PAM: variants seen among roughly 807,000 people sequenced by gnomAD.
PAM encodes peptidyl-glycine alpha-amidating monooxygenase.
PAM carries 72 observed loss-of-function variants against 122.1 expected under a neutral mutation model. That is an observed-to-expected ratio of 0.59 (90% CI 0.49 to 0.72). PAM has a LOEUF of 0.72. Ranked by LOEUF, PAM falls within the 30% of genes least tolerant of loss-of-function variation. The probability of loss-of-function intolerance (pLI) is 0.00; values close to 1 mark genes in which losing one functional copy is unlikely to be tolerated. For synonymous variants in PAM, 389 were observed against 404.4 expected, an observed-to-expected ratio of 0.96 and a Z score of 0.46; for missense variants, 1,106 against 1,183.7, an observed-to-expected ratio of 0.93 and a Z score of 0.96.
intron 15 of PAM, among the ~76,000 whole-genome samples, chr5:102,977,051 T>G (rs569183142): frequency 2.6e-5 from 4 of 152,304 alleles, no homozygotes; most frequent in African/African-American, 9.6e-5. Context: ...TGCAGCAGTA[T>G]TTTAGATTTC....
At chr5:102,886,044 G>A (rs926050649) in intron 3 of PAM, among the ~76,000 whole-genome samples, 2 of 151,866 alleles carry the variant, frequency 1.3e-5, no homozygotes, top group East Asian at 1.9e-4. Flanking sequence ...CATTCCCCAC[G>A]ATTCAAAAAT....
chr5:103,011,648 T>C (rs190044470), intron 21 of PAM, among the ~76,000 whole-genome samples: 1 of 152,328 alleles, frequency 6.6e-6, no homozygotes, highest in East Asian at 1.9e-4. Context: ...CCACATTTTC[T>C]TTATCCATTT....
chr5:102,867,373 C>G lies in PAM; in HGVS notation c.190C>G (p.Pro64Ala), dbSNP rs1431366636. ...SSDFALDIRMPGVTPKQSDTY... is the reference protein window; with the variant it reads ...SSDFALDIRMAGVTPKQSDTY... Reference sequence around the variant, plus strand: ...AGATTTTGCATTGGATATTCGCATGCCTGGGGTTACACCTAAACAGGTGAG... The same window carrying G: ...AGATTTTGCATTGGATATTCGCATGGCTGGGGTTACACCTAAACAGGTGAG... The change falls in exon 3 of 26, where the codon CCT becomes GCT. Residue 64 changes from proline to alanine, a missense_variant. Around this residue, in one of 3 missense-constraint regions of PAM, gnomAD observed 670 missense variants for 690.3 expected, o/e 0.97. Coordinates refer to ENST00000438793, the MANE Select transcript of PAM (RefSeq NM_001177306.2). 5 of 1,608,744 alleles carry G rather than the reference C, an allele frequency of 3.1e-6. No homozygotes were observed. The Admixed American group carries it at 6.7e-5, about 21-fold the overall frequency.
intron 3 of PAM, among the ~76,000 whole-genome samples, chr5:102,891,912 G>A (rs771067466): frequency 6.6e-6 from 1 of 151,748 alleles, no homozygotes; most frequent in Admixed American, 6.6e-5. Context: ...CCTATTGTTT[G>A]CCTACTTTTC....
At position 102,939,239 on chromosome 5, in the gene PAM, T is replaced by A. The variant is rs549418299; in HGVS notation, c.527-7598T>A. 5.6e-4 allele frequency among the ~76,000 whole-genome samples: 85 copies of A among 152,258 alleles called. 1 individual carries two copies. Among genetic ancestry groups the A allele is most frequent in the Admixed American group, 2.6e-3 (39 of 15,272 alleles). On this transcript the variant is annotated intron_variant, in intron 7 of 25. Coordinates refer to ENST00000438793, the MANE Select transcript of PAM (RefSeq NM_001177306.2). ...TAGAAACATTATTCTTTTCATCCAG[T>A]TTGGAAACCCTTCACCTTATCTCCA...
chr5:102,868,115 C>T (rs1786168572), intron 3 of PAM, among the ~76,000 whole-genome samples: 1 of 152,172 alleles, frequency 6.6e-6, no homozygotes, highest in Non-Finnish European at 1.5e-5. Context: ...GCTTTGCAGC[C>T]AGGCAGTGCA....
Position 103,029,046 on chromosome 5 carries a change from T to G in PAM, c.2903T>G (p.Leu968Arg). The G allele has an allele frequency of 6.2e-7, 1 of 1,607,176 alleles. No homozygotes were observed. ...EEEYSAPLPA[L>R]APSSS ...GAGTATTCAGCACCTCTGCCTGCGC[T>G]CGCACCTTCCTCCTCCTGAAAACCA... is the stretch of plus-strand genomic sequence containing the variant. The change falls in exon 26 of 26, where the codon CTC becomes CGC. Residue 968 changes from leucine to arginine, a missense_variant. Coordinates refer to ENST00000438793, the MANE Select transcript of PAM (RefSeq NM_001177306.2).
intron 1 of PAM, among the ~76,000 whole-genome samples, chr5:102,812,802 A>T (rs1768365676): frequency 6.6e-6 from 1 of 152,074 alleles, no homozygotes; most frequent in Admixed American, 6.6e-5. Context: ...TTTATTTAAT[A>T]AATAATGAAA....
chr5:102,965,929 C>T (rs1248288245), intron 14 of PAM, among the ~76,000 whole-genome samples: 1 of 151,982 alleles, frequency 6.6e-6, no homozygotes, highest in Admixed American at 6.6e-5. Flanking sequence ...TCAAAGCCTG[C>T]TAAAGTTACA....
At chr5:102,961,107 G>A (rs747457610) in intron 13 of PAM, 51 bp from the exon 14 acceptor site, 1 of 879,136 alleles carries the variant, frequency 1.1e-6, no homozygotes, top group African/African-American at 1.7e-5. Flanking sequence ...ACTATTTTAA[G>A]TATGTAATAC....
chr5:102,795,556 T>G (rs1763187166), intron 1 of PAM, among the ~76,000 whole-genome samples: 1 of 152,342 alleles, frequency 6.6e-6, no homozygotes, highest in Non-Finnish European at 1.5e-5. Context: ...GTTTATTAAC[T>G]AAATGACTTT....
At chr5:102,758,300 A>G (rs1019924516) in intron 1 of PAM, among the ~76,000 whole-genome samples, 2 of 151,454 alleles carry the variant, frequency 1.3e-5, no homozygotes, top group African/African-American at 2.4e-5. Flanking sequence ...CTTTGATTGG[A>G]CTCTCACATT....
At chr5:102,844,485 A>G (rs1246262880) in intron 1 of PAM, among the ~76,000 whole-genome samples, 1 of 152,066 alleles carries the variant, frequency 6.6e-6, no homozygotes, top group African/African-American at 2.4e-5. Flanking sequence ...TGGGTAACAT[A>G]GCGAGACCCC....
chr5:102,923,124 AC>A (rs1406268654), intron 5 of PAM, among the ~76,000 whole-genome samples: 1 of 152,204 alleles, frequency 6.6e-6, no homozygotes, highest in Non-Finnish European at 1.5e-5. Context: ...GCTAAGTATA[AC>A]CTTATCAAGA....
At chr5:102,795,664 G>C (rs145790562) in intron 1 of PAM, among the ~76,000 whole-genome samples, 2 of 152,288 alleles carry the variant, frequency 1.3e-5, no homozygotes, top group South Asian at 4.1e-4. Flanking sequence ...AGGAACATAC[G>C]TATTTGTGCT....
At chr5:102,817,837 T>G (rs1295485882) in intron 1 of PAM, among the ~76,000 whole-genome samples, 1 of 151,990 alleles carries the variant, frequency 6.6e-6, no homozygotes. Flanking sequence ...CTGGTCCCTG[T>G]CTACCTTTTG....
At position 102,946,844 on chromosome 5, in the gene PAM, C is replaced by T. The variant is rs1463956691; in HGVS notation, c.534C>T (p.Asn178=). ...YGDISAFRDN[N]KDCSGVSLHL... is the part of the protein sequence containing the mutation. ...TTCTATGTGTGTTTTCAGATAATAA[C>T]AAGGACTGTTCTGGTGTGTCCTTAC... The change falls in exon 8 of 26, where the codon AAC becomes AAT. Residue 178 remains asparagine, a synonymous_variant. Transcript: ENST00000438793. The T allele has an allele frequency of 1.3e-6, 2 of 1,591,468 alleles. No individual in the cohort carries two copies. Among genetic ancestry groups the T allele is most frequent in the Non-Finnish European group, 1.7e-6 (2 of 1,160,538 alleles).
At chr5:102,907,010 T>C (rs1799772234) in intron 4 of PAM, among the ~76,000 whole-genome samples, 1 of 151,748 alleles carries the variant, frequency 6.6e-6, no homozygotes, top group African/African-American at 2.4e-5. Context: ...CATCTAGAAA[T>C]TTAGTTTTTG....
intron 7 of PAM, among the ~76,000 whole-genome samples, chr5:102,946,182 G>GC (rs1428652441): frequency 6.6e-6 from 1 of 152,106 alleles, no homozygotes; most frequent in African/African-American, 2.4e-5. Context: ...TGCTATAGGA[G>GC]CAGCTGTTGA....
Sources: allele counts gnomAD v4.1 joint callset (sites outside exome capture counted in the v4.1 genomes callset), GRCh38; gene constraint gnomAD v4.1.1; regional missense constraint gnomAD v4.1.1; transcripts MANE v1.5; gene names NCBI Gene and HGNC (gene_info 2026-07-23, HGNC 2026-07-21).